The following NSUN6 variants were observed in gnomAD, a reference collection of about 807,000 sequenced individuals.
The protein encoded by NSUN6 is NOP2/Sun RNA methyltransferase 6.
NSUN6 carries 64 observed loss-of-function variants against 58.0 expected under a neutral mutation model. The observed-to-expected ratio is 1.10, with a 90% CI of 0.90 to 1.36. The LOEUF (loss-of-function observed/expected upper bound fraction) is 1.36, where lower values mean the gene tolerates loss of function less well. Among genes scored for constraint, NSUN6 ranks in the 40% most tolerant of loss-of-function variants. NSUN6 has a pLI of 0.00. For missense variants in NSUN6, 701 were observed against 550.1 expected, an observed-to-expected ratio of 1.27 and a Z score of -2.74; for synonymous variants, 231 against 193.9, an observed-to-expected ratio of 1.19 and a Z score of -1.59.
At chr10:18,595,155 T>G (rs1411668134) in intron 7 of NSUN6, among the ~76,000 whole-genome samples, 3 of 152,110 alleles carry the variant, frequency 2.0e-5, no homozygotes, top group African/African-American at 7.2e-5. Context: ...AAACACCCAA[T>G]TCACCTGCAG....
At position 18,586,240 on chromosome 10, in the gene NSUN6, C is replaced by T. The variant is rs540491498; in HGVS notation, c.778-147G>A. On this transcript the variant is annotated intron_variant, in intron 7 of 10. Transcript: ENST00000377304. ...CTAATTTAAAACCTCTATCCATTAA[C>T]CAAATGTATGTGTCTGGAATTTATT... 3.1e-4 allele frequency: 201 copies of T among 641,736 alleles called. 1 individual carries two copies. Among genetic ancestry groups the T allele is most frequent in the African/African-American group, 7.7e-4 (41 of 53,278 alleles). 39.8% of individuals were successfully genotyped at this position (641,736 alleles called of 1,614,324 possible).
At position 18,651,312 on chromosome 10, in the gene NSUN6, G is replaced by A. The variant is rs943554046; in HGVS notation, c.-109C>T. The A allele has an allele frequency of 1.3e-4, 181 of 1,417,938 alleles. 1 individual carries two copies. The South Asian group carries it at 2.6e-3, about 20-fold the overall frequency. 87.8% of individuals were successfully genotyped at this position (1,417,938 alleles called of 1,614,324 possible). ...CGAGTGTCTTGACACCAGATGCTGA[G>A]GAAAATCTTGCCGATCACGCTGAGT... On this transcript the variant is annotated 5_prime_UTR_variant, in exon 1 of 11. Transcript: ENST00000377304.
At chr10:18,644,556 G>C (rs1195458943) in intron 2 of NSUN6, among the ~76,000 whole-genome samples, 6 of 151,348 alleles carry the variant, frequency 4.0e-5, no homozygotes, top group Non-Finnish European at 8.8e-5. Flanking sequence ...GAAAATGTTG[G>C]CCGGGCGCAG....
chr10:18,629,877 T>C (rs994008254), intron 3 of NSUN6, among the ~76,000 whole-genome samples: 2 of 149,354 alleles, frequency 1.3e-5, no homozygotes, highest in African/African-American at 4.9e-5. Context: ...TACCCAGGAA[T>C]TGAACTCAGC....
intron 8 of NSUN6, among the ~76,000 whole-genome samples, chr10:18,583,425 T>A (rs1300170223): frequency 6.6e-6 from 1 of 152,040 alleles, no homozygotes; most frequent in Non-Finnish European, 1.5e-5. Flanking sequence ...GTTGACAGTA[T>A]TACCTAAAAT....
chr10:18,651,626 T>C (rs952200358), upstream of NSUN6: 2 of 986,372 alleles, frequency 2.0e-6, no homozygotes, highest in Non-Finnish European at 2.4e-6. Flanking sequence ...CGGCGGAAAG[T>C]CGCTTCCGGC....
chr10:18,653,112 C>G, upstream of NSUN6: 1 of 985,066 alleles, frequency 1.0e-6, no homozygotes. Context: ...GACCATAGCA[C>G]CACTGATGGC....
rs200450047 is a variant in NSUN6 at position 18,620,091 on chromosome 10, AT to A, written c.312-3799del. Among the ~76,000 whole-genome samples, 122 of 147,766 alleles carry A rather than the reference AT, an allele frequency of 8.3e-4. 1 individual carries two copies. Among genetic ancestry groups the A allele is most frequent in the Admixed American group, 1.8e-3 (27 of 14,922 alleles). On this transcript the variant is annotated intron_variant, in intron 3 of 10. Coordinates refer to ENST00000377304, the MANE Select transcript of NSUN6 (RefSeq NM_182543.5). ...CATCTAATTTTTACTAATAAAAAAA[AT>A]TTTTTTTTTTTTTGAGACGGAGTCT...
At chr10:18,590,830 C>T (rs191203561) in intron 7 of NSUN6, among the ~76,000 whole-genome samples, 4 of 152,198 alleles carry the variant, frequency 2.6e-5, no homozygotes, top group Non-Finnish European at 4.4e-5. Context: ...GACACCCAAA[C>T]ATCACAATTA....
At chr10:18,628,200 T>C (rs947094577) in intron 3 of NSUN6, among the ~76,000 whole-genome samples, 6 of 152,182 alleles carry the variant, frequency 3.9e-5, no homozygotes, top group African/African-American at 1.2e-4. Flanking sequence ...GGGTCCTGTC[T>C]GTTAGAAGGA....
intron 8 of NSUN6, among the ~76,000 whole-genome samples, chr10:18,567,409 A>G (rs1316186453): frequency 7.0e-6 from 1 of 143,056 alleles, no homozygotes; most frequent in East Asian, 2.1e-4. Context: ...CCATCATTGC[A>G]TTTCATGCTC....
intron 8 of NSUN6, among the ~76,000 whole-genome samples, chr10:18,566,396 C>T (rs545244559): frequency 8.1e-5 from 12 of 148,650 alleles, no homozygotes; most frequent in African/African-American, 2.7e-4. Flanking sequence ...TTCCATTCTC[C>T]ATTCTTCTTC....
At chr10:18,581,158 G>T (rs960353536) in intron 8 of NSUN6, among the ~76,000 whole-genome samples, 1 of 152,076 alleles carries the variant, frequency 6.6e-6, no homozygotes, top group Admixed American at 6.6e-5. Flanking sequence ...CGTGCACAGT[G>T]TGTTTATCAG....
At chr10:18,588,050 G>A (rs539715787) in intron 7 of NSUN6, among the ~76,000 whole-genome samples, 79 of 152,342 alleles carry the variant, frequency 5.2e-4, no homozygotes, top group Non-Finnish European at 4.6e-4. Context: ...AGCCAGCACA[G>A]CAGTCTGGAG....
upstream of NSUN6, chr10:18,651,697 G>C: frequency 3.0e-6 from 3 of 985,510 alleles, no homozygotes; most frequent in South Asian, 4.7e-5. Context: ...ATCCACAGCC[G>C]CAAGTTTCCC....
chr10:18,621,014 CA>C (rs1315447156), intron 3 of NSUN6, among the ~76,000 whole-genome samples: 5 of 152,222 alleles, frequency 3.3e-5, no homozygotes, highest in African/African-American at 1.2e-4. Context: ...AGCCTGCTTA[CA>C]AGGCTGGCCC....
chr10:18,612,809 A>G (rs1236163233), intron 5 of NSUN6, among the ~76,000 whole-genome samples: 1 of 152,232 alleles, frequency 6.6e-6, no homozygotes. Context: ...ATCTCCATAT[A>G]ATAATGCAAA....
chr10:18,589,538 C>T (rs1411870482), intron 7 of NSUN6, among the ~76,000 whole-genome samples: 1 of 152,184 alleles, frequency 6.6e-6, no homozygotes, highest in Admixed American at 6.5e-5. Flanking sequence ...AAGGGAAGCC[C>T]ATCGGACTAA....
intron 6 of NSUN6, among the ~76,000 whole-genome samples, chr10:18,608,722 T>G (rs547026659): frequency 3.3e-5 from 5 of 150,444 alleles, no homozygotes; most frequent in Non-Finnish European, 4.4e-5. Flanking sequence ...GCATTAAACA[T>G]TATTAACTGG....
Sources: allele counts gnomAD v4.1 joint callset (sites outside exome capture counted in the v4.1 genomes callset), GRCh38; gene constraint gnomAD v4.1.1; transcripts MANE v1.5; gene names NCBI Gene and HGNC (gene_info 2026-07-23, HGNC 2026-07-21).